The following GRM5 variants were observed in gnomAD, a reference collection of about 807,000 sequenced individuals.
The protein encoded by GRM5 is glutamate metabotropic receptor 5.
In GRM5, 19 loss-of-function variants were observed where a neutral mutation model predicts 83.1. The ratio of observed to expected loss-of-function variants is 0.23; its 90% confidence interval spans 0.16 to 0.34. The LOEUF is 0.34. Among genes scored for constraint, GRM5 ranks in the 10% least tolerant of loss-of-function variants. The probability of loss-of-function intolerance (pLI) is 1.00; values close to 1 mark genes in which losing one functional copy is unlikely to be tolerated. For missense variants in GRM5, 1,160 were observed against 1,588.3 expected, an observed-to-expected ratio of 0.73 and a Z score of 4.58; for synonymous variants, 675 against 633.6, an observed-to-expected ratio of 1.07 and a Z score of -0.98.
At chr11:88,844,502 G>C (rs1944265084) in intron 3 of GRM5, among the ~76,000 whole-genome samples, 1 of 147,628 alleles carries the variant, frequency 6.8e-6, no homozygotes, top group Non-Finnish European at 1.5e-5. Context: ...TTGTTTACAT[G>C]CCTGCTAACA....
intron 4 of GRM5, among the ~76,000 whole-genome samples, chr11:88,643,926 T>C (rs1159352930): frequency 6.6e-6 from 1 of 152,184 alleles, no homozygotes; most frequent in Non-Finnish European, 1.5e-5. Flanking sequence ...CAAATACTAG[T>C]GAGACATATT....
chr11:89,023,032 G>A (rs1470350231), intron 2 of GRM5, among the ~76,000 whole-genome samples: 6 of 152,150 alleles, frequency 3.9e-5, no homozygotes, highest in East Asian at 3.9e-4. Flanking sequence ...TTTCATGCAC[G>A]TTTCCAGCTA....
At chr11:89,033,978 T>A (rs1297479381) in intron 2 of GRM5, among the ~76,000 whole-genome samples, 3 of 151,796 alleles carry the variant, frequency 2.0e-5, no homozygotes, top group African/African-American at 4.8e-5. Context: ...AAGAAAAATG[T>A]AGCATGGTTA....
At position 88,565,224 on chromosome 11, in the gene GRM5, C is replaced by T. The variant is rs577204414; in HGVS notation, c.2630+1829G>A. ...GCCAGTATTTAATCCCAGTGCTCTC[C>T]AGCACTATACTGTGCTACCTTCAAT... On this transcript the variant is annotated intron_variant, in intron 8 of 9. Coordinates refer to ENST00000305447, the MANE Select transcript of GRM5 (RefSeq NM_001143831.3). Among the ~76,000 whole-genome samples, 35 of 152,330 alleles carry T rather than the reference C, an allele frequency of 2.3e-4. No individual in the cohort carries two copies. In the South Asian group the frequency reaches 7.0e-3, roughly 31 times the overall value.
At chr11:88,916,958 T>C (rs1269428716) in intron 2 of GRM5, among the ~76,000 whole-genome samples, 1 of 152,072 alleles carries the variant, frequency 6.6e-6, no homozygotes, top group Non-Finnish European at 1.5e-5. Context: ...ATTCAGCACC[T>C]CTGACTAAAG....
intron 8 of GRM5, among the ~76,000 whole-genome samples, chr11:88,530,928 G>T (rs1173547119): frequency 6.6e-6 from 1 of 152,026 alleles, no homozygotes; most frequent in Non-Finnish European, 1.5e-5. Context: ...GAACTGGGGG[G>T]AAGAAAGAAG....
intron 8 of GRM5, among the ~76,000 whole-genome samples, chr11:88,526,835 T>C (rs953872790): frequency 6.6e-6 from 1 of 152,122 alleles, no homozygotes; most frequent in Non-Finnish European, 1.5e-5. Context: ...CGGACATTAG[T>C]TGAGCATTTA....
At chr11:89,061,984 A>G (rs146147089) in intron 1 of GRM5, among the ~76,000 whole-genome samples, 256 of 152,328 alleles carry the variant, frequency 1.7e-3, no homozygotes, top group African/African-American at 5.7e-3. Flanking sequence ...AGGAAGTGCT[A>G]TGTACATTTT....
At chr11:88,840,512 C>T (rs1171630373) in intron 3 of GRM5, among the ~76,000 whole-genome samples, 3 of 152,100 alleles carry the variant, frequency 2.0e-5, no homozygotes, top group Non-Finnish European at 4.4e-5. Context: ...CTCATGATTT[C>T]CTTGATTGGC....
chr11:88,764,579 A>G (rs1321313408), intron 3 of GRM5, among the ~76,000 whole-genome samples: 1 of 113,856 alleles, frequency 8.8e-6, no homozygotes, highest in Non-Finnish European at 2.4e-5. Context: ...AAATTGTGGG[A>G]AATAAATAAC....
At chr11:89,024,307 C>G (rs1203251189) in intron 2 of GRM5, among the ~76,000 whole-genome samples, 5 of 152,222 alleles carry the variant, frequency 3.3e-5, no homozygotes, top group African/African-American at 1.2e-4. Flanking sequence ...CAGGTTCAGA[C>G]AGCTAGCCCT....
rs1312173678 is a variant in GRM5 at position 89,017,682 on chromosome 11, C to T, written c.661+29530G>A. On this transcript the variant is annotated intron_variant, in intron 2 of 9. Coordinates refer to ENST00000305447, the MANE Select transcript of GRM5 (RefSeq NM_001143831.3). ...CAGTCCAAGTGTATCTGATTCCAAG[C>T]TTGAACCCTTTAACACAATATGCTT... is the stretch of plus-strand genomic sequence containing the variant. Among the ~76,000 whole-genome samples, 5 of 152,212 alleles carry T rather than the reference C, an allele frequency of 3.3e-5. No homozygotes were observed. In the East Asian group the frequency reaches 9.6e-4, roughly 29 times the overall value.
chr11:88,567,974 A>G lies in GRM5; in HGVS notation c.1709T>C (p.Val570Ala). 1 of 1,612,064 alleles carries G rather than the reference A, an allele frequency of 6.2e-7. No homozygotes were observed. The highest frequency in any genetic ancestry group is 8.5e-7 in the Non-Finnish European group (1 of 1,178,524). The change falls in exon 8 of 10, where the codon GTA becomes GCA. Residue 570 changes from valine (V) to alanine (A), a missense_variant. Val to Ala is a moderately conservative substitution (Grantham distance 64, BLOSUM62 0). Around this residue, in one of 9 missense-constraint regions of GRM5, gnomAD observed 132 missense variants for 245.5 expected, o/e 0.54. Coordinates refer to ENST00000305447, the MANE Select transcript of GRM5 (RefSeq NM_001143831.3). The surrounding 1 kb of genome is among the most constrained non-coding windows in gnomAD (Gnocchi z 7.3). ...AGGGTCACCCCATCGAAGATACTGT[A>G]CTGGGATCAAGTCACAACCTGCAGA... ...DDLTGCDLIP[V>A]QYLRWGDPEP...
At chr11:88,554,632 G>A (rs1942584236) in intron 8 of GRM5, among the ~76,000 whole-genome samples, 2 of 152,124 alleles carry the variant, frequency 1.3e-5, no homozygotes, top group Admixed American at 1.3e-4. Context: ...CTAATTCCCT[G>A]TTAATTAACT....
chr11:88,731,425 T>A (rs894484133), intron 3 of GRM5, among the ~76,000 whole-genome samples: 1 of 152,098 alleles, frequency 6.6e-6, no homozygotes. Context: ...TCAAGAAGCC[T>A]TCTTTGAACA....
At chr11:88,620,847 A>G (rs548447896) in intron 4 of GRM5, among the ~76,000 whole-genome samples, 1 of 152,302 alleles carries the variant, frequency 6.6e-6, no homozygotes, top group East Asian at 1.9e-4. Context: ...TTTGTGCCTG[A>G]AATACAGGCA....
In GRM5 at chr11:88,747,370, A is replaced by G. The variant is rs181686498; in HGVS notation, c.912-93967T>C. On this transcript the variant is annotated intron_variant, in intron 3 of 9. Transcript: ENST00000305447. Reference sequence around the variant, plus strand: ...GAAACTGACCTAAGACTTGGAGTAGATATAGAACGAAGATAAATGCCTGAA... The same window carrying G: ...GAAACTGACCTAAGACTTGGAGTAGGTATAGAACGAAGATAAATGCCTGAA... Among the ~76,000 whole-genome samples, 373 of 152,294 alleles carry G rather than the reference A, an allele frequency of 2.4e-3. 4 individuals carry two copies. Among genetic ancestry groups the G allele is most frequent in the Admixed American group, 0.023 (355 of 15,284 alleles).
chr11:88,571,589 T>C (rs1436563790), intron 7 of GRM5, among the ~76,000 whole-genome samples: 1 of 152,140 alleles, frequency 6.6e-6, no homozygotes, highest in Non-Finnish European at 1.5e-5. Flanking sequence ...CTCAGAAGAT[T>C]TTGAGTCAGT....
At chr11:88,771,251 A>G (rs909461296) in intron 3 of GRM5, among the ~76,000 whole-genome samples, 52 of 152,094 alleles carry the variant, frequency 3.4e-4, no homozygotes, top group African/African-American at 1.3e-3. Context: ...AAGGAAGTTT[A>G]TTAAGGAGAA....
Sources: allele counts gnomAD v4.1 joint callset (sites outside exome capture counted in the v4.1 genomes callset), GRCh38; gene constraint gnomAD v4.1.1; regional missense constraint gnomAD v4.1.1; non-coding constraint Gnocchi (gnomAD v3.1); transcripts MANE v1.5; gene names NCBI Gene and HGNC (gene_info 2026-07-23, HGNC 2026-07-21).